EHBP1: variants seen among roughly 807,000 people sequenced by gnomAD.
EHBP1 encodes EH domain binding protein 1.
A neutral mutation model predicts 144.0 loss-of-function variants in EHBP1; 55 were observed. That is an observed-to-expected ratio of 0.38 (90% CI 0.31 to 0.48). The LOEUF (loss-of-function observed/expected upper bound fraction) is 0.48. EHBP1 is among the 20% of genes least tolerant of loss of function. The pLI, the probability that EHBP1 is intolerant of heterozygous loss-of-function variation, is 0.98. For missense variants in EHBP1, 1,200 were observed against 1,364.2 expected (o/e 0.88, Z 1.90); for synonymous variants, 469 against 472.7 (o/e 0.99, Z 0.10).
intron 2 of EHBP1, among the ~76,000 whole-genome samples, chr2:62,710,093 C>T (rs969967277): frequency 1.1e-4 from 17 of 152,074 alleles, no homozygotes; most frequent in African/African-American, 4.1e-4. Flanking sequence ...TTGAAAGAGA[C>T]TGTACTGTCA....
chr2:62,880,782 G>C (rs2051337485), intron 10 of EHBP1, among the ~76,000 whole-genome samples: 1 of 152,096 alleles, frequency 6.6e-6, no homozygotes, highest in African/African-American at 2.4e-5. Flanking sequence ...CAGAGAAAAG[G>C]GAATACTTAT....
At chr2:62,904,412 T>C (rs1043343576) in intron 10 of EHBP1, among the ~76,000 whole-genome samples, 2 of 152,206 alleles carry the variant, frequency 1.3e-5, no homozygotes, top group Non-Finnish European at 2.9e-5. Flanking sequence ...TTACAGTGCA[T>C]CTACTCCACA....
At chr2:62,737,553 C>A (rs754282760) in intron 2 of EHBP1, among the ~76,000 whole-genome samples, 28 of 152,126 alleles carry the variant, frequency 1.8e-4, no homozygotes, top group Admixed American at 5.9e-4. Flanking sequence ...GTTTGCCCTG[C>A]GACCTCATTT....
At chr2:62,884,669 A>G (rs1330832354) in intron 10 of EHBP1, among the ~76,000 whole-genome samples, 2 of 152,240 alleles carry the variant, frequency 1.3e-5, no homozygotes. Context: ...GCAGTAGATT[A>G]TCATCAGTGA....
At chr2:62,750,556 C>T (rs376961598) in intron 3 of EHBP1, among the ~76,000 whole-genome samples, 6 of 152,164 alleles carry the variant, frequency 3.9e-5, no homozygotes, top group Admixed American at 1.3e-4. Flanking sequence ...GGCATTGAAT[C>T]TATAAATTAC....
At chr2:62,989,594 G>C (rs2059335893) in intron 15 of EHBP1, among the ~76,000 whole-genome samples, 1 of 152,062 alleles carries the variant, frequency 6.6e-6, no homozygotes, top group South Asian at 2.1e-4. Context: ...ACACATCTCA[G>C]CCTTCCTGTT....
At chr2:62,775,173 GATGAA>G (rs1397348616) in intron 5 of EHBP1, among the ~76,000 whole-genome samples, 1 of 152,064 alleles carries the variant, frequency 6.6e-6, no homozygotes, top group African/African-American at 2.4e-5. Flanking sequence ...TAAGAGAGTT[GATGAA>G]ATGAATATTG....
At chr2:62,815,309 T>C (rs1046504682) in intron 5 of EHBP1, among the ~76,000 whole-genome samples, 1 of 152,246 alleles carries the variant, frequency 6.6e-6, no homozygotes, top group Non-Finnish European at 1.5e-5. Flanking sequence ...GCCACTTCTA[T>C]TCTTAGCATT....
At chr2:62,932,933 CAG>C (rs1228151808) in intron 10 of EHBP1, among the ~76,000 whole-genome samples, 1 of 129,214 alleles carries the variant, frequency 7.7e-6, no homozygotes, top group Non-Finnish European at 1.6e-5. Context: ...ACCTGGGTGA[CAG>C]AGTGAGACTC....
chr2:63,033,234 T>A (rs1032477362), intron 19 of EHBP1, among the ~76,000 whole-genome samples: 3 of 152,216 alleles, frequency 2.0e-5, no homozygotes, highest in African/African-American at 7.2e-5. Context: ...TTTTGTCATA[T>A]GTCTTTCAAA....
chr2:62,844,572 T>C (rs1358202537), intron 7 of EHBP1, among the ~76,000 whole-genome samples: 1 of 152,144 alleles, frequency 6.6e-6, no homozygotes, highest in Non-Finnish European at 1.5e-5. Context: ...AGTCACACAG[T>C]GCTTGAGCCA....
intron 3 of EHBP1, among the ~76,000 whole-genome samples, chr2:62,747,800 G>A (rs893363053): frequency 2.6e-5 from 4 of 151,846 alleles, no homozygotes; most frequent in Non-Finnish European, 5.9e-5. Context: ...TAAGGAGGTG[G>A]GGGGCCTTTA....
intron 10 of EHBP1, among the ~76,000 whole-genome samples, chr2:62,906,853 A>G (rs2053849154): frequency 6.6e-6 from 1 of 152,220 alleles, no homozygotes. Flanking sequence ...ATATAGTATT[A>G]TTTCAGGAAT....
chr2:63,028,599 A>G (rs1428048776), intron 19 of EHBP1, among the ~76,000 whole-genome samples: 1 of 152,218 alleles, frequency 6.6e-6, no homozygotes, highest in Non-Finnish European at 1.5e-5. Flanking sequence ...ACACTGGAGC[A>G]GGTTACCTAC....
At chr2:62,753,451 A>G (rs1166073381) in intron 3 of EHBP1, among the ~76,000 whole-genome samples, 1 of 151,616 alleles carries the variant, frequency 6.6e-6, no homozygotes, top group Non-Finnish European at 1.5e-5. Flanking sequence ...CCTTTATTTC[A>G]ACTTTGGTGA....
At chr2:62,921,716 G>A (rs1350742424) in intron 10 of EHBP1, among the ~76,000 whole-genome samples, 1 of 152,168 alleles carries the variant, frequency 6.6e-6, no homozygotes, top group Admixed American at 6.5e-5. Flanking sequence ...CAACCCCCAT[G>A]CAGTTGAAAA....
chr2:62,773,850 CAAAAAAAAAAAAAAAAAA>C lies in EHBP1; in HGVS notation c.312+2476_312+2493del, dbSNP rs570715468. On this transcript the variant is annotated intron_variant, in intron 5 of 22. Coordinates refer to ENST00000431489, the MANE Select transcript of EHBP1 (RefSeq NM_001142616.3). ...TAGGTGATACAGCAAGACTCCATCT[CAAAAAAAAAAAAAAAAAA>C]AAAAAAAAAAAAAAAAAGAGAGAGA... Among the ~76,000 whole-genome samples, 111 of 41,544 alleles carry C rather than the reference CAAAAAAAAAAAAAAAAAA, an allele frequency of 2.7e-3. 1 individual carries two copies. Among genetic ancestry groups the C allele is most frequent in the African/African-American group, 9.2e-3 (97 of 10,544 alleles). The allele number at this position is 41,544 out of a possible 152,430, so 27.3% of individuals were successfully genotyped here. A position where few individuals can be genotyped will look rare whatever the true frequency, so the allele number is the denominator to read the frequency against.
chr2:63,005,889 A>T (rs902945802), intron 19 of EHBP1, among the ~76,000 whole-genome samples: 1 of 152,070 alleles, frequency 6.6e-6, no homozygotes, highest in Non-Finnish European at 1.5e-5. Context: ...TCATTCTAAC[A>T]TGCCTAAAAT....
chr2:62,710,171 T>G (rs983245341), intron 2 of EHBP1, among the ~76,000 whole-genome samples: 1 of 152,174 alleles, frequency 6.6e-6, no homozygotes, highest in African/African-American at 2.4e-5. Flanking sequence ...AGAGAAATCT[T>G]TACTATATGA....
Sources: allele counts gnomAD v4.1 joint callset (sites outside exome capture counted in the v4.1 genomes callset), GRCh38; gene constraint gnomAD v4.1.1; transcripts MANE v1.5; gene names NCBI Gene and HGNC (gene_info 2026-07-23, HGNC 2026-07-21).